Variants in HNRNPF observed in about 807,000 individuals in gnomAD.
The protein encoded by HNRNPF is HnRNP F protein.
HNRNPF carries 2 observed loss-of-function variants against 26.0 expected under a neutral mutation model. That is an observed-to-expected ratio of 0.08 (90% confidence interval 0.03 to 0.24). The LOEUF (loss-of-function observed/expected upper bound fraction) is 0.24. HNRNPF is among the 10% of genes least tolerant of loss of function. The pLI is 1.00. For missense variants in HNRNPF, 299 were observed against 539.2 expected (o/e 0.55, Z 4.41); for synonymous variants, 234 against 211.5 (o/e 1.11, Z -0.92).
At chr10:43,405,549 G>C (rs866113480) in intron 1 of HNRNPF, among the ~76,000 whole-genome samples, 2 of 152,042 alleles carry the variant, frequency 1.3e-5, no homozygotes, top group South Asian at 2.1e-4. Context: ...CCAGCAACTC[G>C]GGAGGCTGAG....
Position 43,386,651 on chromosome 10 carries a change from C to CCATGCTGTT in HNRNPF, c.1225_1233dup (p.Asn409_Met411dup). On this transcript the variant is annotated inframe_insertion, in exon 4 of 4. Transcript: ENST00000682386. ...TCCTAACAAAACTAGTCATAGCCACCCATGCTGTTCTGCCCACTGTAGCCG... is the reference window on the plus strand; with the variant it reads ...TCCTAACAAAACTAGTCATAGCCACCCATGCTGTTCATGCTGTTCTGCCCACTGTAGCCG... 6.4e-7 allele frequency: 1 copy of CCATGCTGTT among 1,556,972 alleles called. No individual in the cohort carries two copies. Among genetic ancestry groups the CCATGCTGTT allele is most frequent in the East Asian group, 2.3e-5 (1 of 44,390 alleles).
Position 43,386,772 on chromosome 10 carries a change from C to T in HNRNPF, c.1113G>A (p.Ala371=), listed in dbSNP as rs373411671. 1.9e-5 allele frequency: 31 copies of T among 1,614,086 alleles called. No homozygotes were observed. The African/African-American group carries it at 2.4e-4, about 13-fold the overall frequency. Residue 371 remains alanine, a synonymous_variant, in exon 4 of 4, where the codon GCG becomes GCA. Coordinates refer to ENST00000682386, the MANE Select transcript of HNRNPF (RefSeq NM_001098204.2). ...TGCCTTGCATCACCTGGCTGCTATA[C>T]GCCCCATTGCTGGCCCCTGTTGTTG... ...LNSTTGASNG[A]YSSQVMQGMG...
intron 3 of HNRNPF, among the ~76,000 whole-genome samples, chr10:43,391,478 GAAAAAA>G (rs146643423): frequency 6.8e-6 from 1 of 147,360 alleles, no homozygotes; most frequent in Non-Finnish European, 1.5e-5. Flanking sequence ...CACCACACAA[GAAAAAA>G]AAAAGAAAAT....
intron 3 of HNRNPF, among the ~76,000 whole-genome samples, chr10:43,393,594 C>T (rs1838340272): frequency 7.2e-6 from 1 of 139,110 alleles, no homozygotes; most frequent in Non-Finnish European, 1.5e-5. Context: ...AAAACTCCAT[C>T]TCAAAAAAAA....
rs1222031426 is a variant in HNRNPF at position 43,386,919 on chromosome 10, G to A, written c.966C>T (p.Gly322=). 1 of 1,614,132 alleles carries A rather than the reference G, an allele frequency of 6.2e-7. No homozygotes were observed. Among genetic ancestry groups the A allele is most frequent in the Non-Finnish European group, 8.5e-7 (1 of 1,180,034 alleles). Residue 322 remains glycine (G), a synonymous_variant, in exon 4 of 4, where the codon GGC becomes GGT. Transcript: ENST00000682386. ...LNPVRVHIEI[G]PDGRVTGEAD... Reference sequence around the variant, plus strand: ...CTTCACCCGTCACTCTTCCATCTGGGCCAATCTCAATATGGACTCTCACAG... The same window carrying A: ...CTTCACCCGTCACTCTTCCATCTGGACCAATCTCAATATGGACTCTCACAG...
chr10:43,392,510 G>C (rs1415957345), intron 3 of HNRNPF, among the ~76,000 whole-genome samples: 3 of 152,224 alleles, frequency 2.0e-5, no homozygotes, highest in Admixed American at 2.0e-4. Context: ...CTGCACTCCA[G>C]CCTAGGCGAC....
In HNRNPF at chr10:43,387,166, T is replaced by C. The variant is rs767643954; in HGVS notation, c.719A>G (p.Tyr240Cys). 1.9e-6 allele frequency: 3 copies of C among 1,614,172 alleles called. No homozygotes were observed. Among genetic ancestry groups the C allele is most frequent in the East Asian group, 4.5e-5 (2 of 44,880 alleles). ...RMRPGAYSTG[Y>C]GGYEEYSGLS... The stretch of plus-strand genomic sequence containing the variant: ...GCCACTGTACTCCTCGTAGCCCCCG[T>C]AGCCTGTGCTGTAGGCACCAGGCCT... The change falls in exon 4 of 4, where the codon TAC becomes TGC. Residue 240 changes from tyrosine (Y) to cysteine (C), a missense_variant. This residue lies in a region of HNRNPF where 74 missense variants were observed against 77.7 expected (regional missense o/e 0.95). Transcript: ENST00000682386. This position sits in a 1 kb window ranked among gnomAD's most constrained non-coding sequence, Gnocchi z 6.0.
chr10:43,405,380 GGC>G (rs2131992037), intron 1 of HNRNPF, among the ~76,000 whole-genome samples: 1 of 152,280 alleles, frequency 6.6e-6, no homozygotes, highest in East Asian at 1.9e-4. Context: ...ATACATGCCG[GGC>G]GCGGTGGCTC....
At chr10:43,397,484 C>A in intron 1 of HNRNPF, 1 of 148,784 alleles carries the variant, frequency 6.7e-6, no homozygotes, top group South Asian at 2.1e-4. Flanking sequence ...GGGGAAAGTC[C>A]AGAGTGCCAG....
chr10:43,407,799 G>A (rs912216168), intron 1 of HNRNPF: 3 of 152,246 alleles, frequency 2.0e-5, no homozygotes, highest in African/African-American at 7.2e-5. Flanking sequence ...CCGGGGCCGA[G>A]AGCTAAGGCT....
rs1347272261 is a variant in HNRNPF, at chr10:43,387,926, CT to C, written c.-43del. On this transcript the variant is annotated 5_prime_UTR_variant, in exon 4 of 4. Transcript: ENST00000682386. This position sits in a 1 kb window ranked among gnomAD's most constrained non-coding sequence, Gnocchi z 6.0. Reference sequence around the variant, plus strand: ...GGGTGTCAGGTGATCTTGGGTGTGGCTTTTTTGTGGCTGGAAAAAAAAAAAA... The same window carrying C: ...GGGTGTCAGGTGATCTTGGGTGTGGCTTTTTGTGGCTGGAAAAAAAAAAAA... 1.4e-6 allele frequency: 2 copies of C among 1,474,984 alleles called. No homozygotes were observed. Among genetic ancestry groups the C allele is most frequent in the Non-Finnish European group, 1.8e-6 (2 of 1,095,240 alleles). The allele number at this position is 1,474,984 out of a possible 1,614,324, so 91.4% of individuals were successfully genotyped here.
intron 1 of HNRNPF, among the ~76,000 whole-genome samples, chr10:43,402,771 A>AT (rs1225673057): frequency 6.6e-6 from 1 of 152,260 alleles, no homozygotes; most frequent in Non-Finnish European, 1.5e-5. Flanking sequence ...TTATCGGGAT[A>AT]TAACAGTAAG....
intron 1 of HNRNPF, among the ~76,000 whole-genome samples, chr10:43,407,018 A>T (rs535495447): frequency 6.6e-6 from 1 of 152,296 alleles, no homozygotes; most frequent in East Asian, 1.9e-4. Flanking sequence ...GAACCCAAGA[A>T]ATTTTCATCT....
At chr10:43,391,854 C>T (rs1838262346) in intron 3 of HNRNPF, among the ~76,000 whole-genome samples, 1 of 152,182 alleles carries the variant, frequency 6.6e-6, no homozygotes, top group Non-Finnish European at 1.5e-5. Context: ...TGTCATACCT[C>T]CCCTGTGCCA....
At chr10:43,404,993 G>A (rs529611729) in intron 1 of HNRNPF, among the ~76,000 whole-genome samples, 149 of 152,300 alleles carry the variant, frequency 9.8e-4, no homozygotes, top group Non-Finnish European at 1.7e-3. Flanking sequence ...GGGGGATGGA[G>A]CCTTTTAAGA....
intron 1 of HNRNPF, among the ~76,000 whole-genome samples, chr10:43,406,334 AAATAAATTCCAT>A (rs1444196277): frequency 5.3e-5 from 8 of 152,190 alleles, no homozygotes; most frequent in Admixed American, 2.0e-4. Context: ...CTTTTCCCTT[AAATAAATTCCAT>A]TTTTTACCTG....
At chr10:43,397,670 G>T (rs1200785012) in intron 1 of HNRNPF, among the ~76,000 whole-genome samples, 3 of 152,126 alleles carry the variant, frequency 2.0e-5, no homozygotes, top group African/African-American at 4.8e-5. Context: ...TTTTTTTAAC[G>T]CAATTCCTAA....
chr10:43,404,301 TA>T (rs5784599), intron 1 of HNRNPF, among the ~76,000 whole-genome samples: 76 of 135,290 alleles, frequency 5.6e-4, no homozygotes, highest in East Asian at 6.3e-4. Flanking sequence ...AATCCGTCTA[TA>T]AAAAAAAAAA....
intron 1 of HNRNPF, among the ~76,000 whole-genome samples, chr10:43,408,302 C>T (rs528820587): frequency 6.6e-6 from 1 of 152,292 alleles, no homozygotes; most frequent in Admixed American, 6.5e-5. Context: ...ACTCCAAAAT[C>T]TCAGCCCGCG....
Sources: gnomAD v4.1 joint callset for allele counts (sites outside exome capture counted in the v4.1 genomes callset) on GRCh38, gnomAD v4.1.1 for gene constraint, gnomAD v4.1.1 regional missense constraint, Gnocchi (gnomAD v3.1) non-coding constraint, MANE v1.5 for transcripts, NCBI Gene and HGNC (gene_info 2026-07-23, HGNC 2026-07-21) for gene names.